The following CNBD1 variants were observed in gnomAD, a reference collection of about 807,000 sequenced individuals.
The protein encoded by CNBD1 is cyclic nucleotide-binding domain-containing protein 1.
CNBD1 carries 71 observed loss-of-function variants against 54.4 expected under a neutral mutation model. That is an observed-to-expected ratio of 1.30 (90% CI 1.08 to 1.59). The LOEUF is 1.59. Among genes scored for constraint, CNBD1 ranks in the 40% most tolerant of loss-of-function variants. The pLI, the probability that CNBD1 is intolerant of heterozygous loss-of-function variation, is 0.00. For synonymous variants in CNBD1, 182 were observed against 170.7 expected, an observed-to-expected ratio of 1.07 and a Z score of -0.51; for missense variants, 659 against 518.0, an observed-to-expected ratio of 1.27 and a Z score of -2.64.
chr8:87,281,541 G>GATAT (rs57434544), intron 6 of CNBD1, among the ~76,000 whole-genome samples: 1 of 95,870 alleles, frequency 1.0e-5, no homozygotes, highest in Non-Finnish European at 2.1e-5. Flanking sequence ...TCTAGGCTAA[G>GATAT]ATATATATAT....
intron 4 of CNBD1, among the ~76,000 whole-genome samples, chr8:87,026,579 A>T (rs995877939): frequency 1.3e-5 from 2 of 152,044 alleles, no homozygotes; most frequent in African/African-American, 4.8e-5. Context: ...TTCTCTTTTT[A>T]AAAAATAACT....
At chr8:87,112,477 A>C (rs56292347) in intron 4 of CNBD1, among the ~76,000 whole-genome samples, 1 of 151,804 alleles carries the variant, frequency 6.6e-6, no homozygotes, top group South Asian at 2.1e-4. Context: ...GTTTCTCTAA[A>C]CCCTGACAGA....
chr8:87,095,663 C>T (rs973650564), intron 4 of CNBD1, among the ~76,000 whole-genome samples: 2 of 152,110 alleles, frequency 1.3e-5, no homozygotes, highest in East Asian at 1.9e-4. Context: ...TATCTGTTCT[C>T]GTCTTTTTTT....
chr8:86,997,327 G>A (rs139564320), intron 4 of CNBD1, among the ~76,000 whole-genome samples: 26 of 152,232 alleles, frequency 1.7e-4, no homozygotes, highest in African/African-American at 5.5e-4. Flanking sequence ...AACCTCTTGA[G>A]CATCATTGCT....
chr8:86,877,120 C>A (rs1376302580), intron 1 of CNBD1, among the ~76,000 whole-genome samples: 2 of 151,852 alleles, frequency 1.3e-5, no homozygotes, highest in East Asian at 3.9e-4. Context: ...CAGTTATATT[C>A]ATATCTTTAA....
chr8:87,329,847 A>G (rs1176807661), intron 8 of CNBD1, among the ~76,000 whole-genome samples: 1 of 151,934 alleles, frequency 6.6e-6, no homozygotes, highest in Non-Finnish European at 1.5e-5. Flanking sequence ...CAGCAAAGAC[A>G]GTTTTATTTC....
downstream of CNBD1, among the ~76,000 whole-genome samples, chr8:87,386,718 C>G (rs921423324): frequency 7.2e-5 from 11 of 152,174 alleles, no homozygotes; most frequent in Non-Finnish European, 1.5e-4. Context: ...CCCAATGTAG[C>G]AAGGCAGGCC....
chr8:86,945,028 A>C (rs1482578757), intron 4 of CNBD1, among the ~76,000 whole-genome samples: 1 of 152,148 alleles, frequency 6.6e-6, no homozygotes, highest in Non-Finnish European at 1.5e-5. Flanking sequence ...TGGGCAAATC[A>C]TCTGATGCTC....
At chr8:87,210,070 A>C (rs1814060828) in intron 5 of CNBD1, among the ~76,000 whole-genome samples, 1 of 152,208 alleles carries the variant, frequency 6.6e-6, no homozygotes, top group African/African-American at 2.4e-5. Flanking sequence ...TCAACAGAGA[A>C]AGGACAGTCT....
intron 8 of CNBD1, among the ~76,000 whole-genome samples, chr8:87,307,480 G>A (rs944502933): frequency 2.0e-5 from 3 of 152,204 alleles, no homozygotes; most frequent in Non-Finnish European, 4.4e-5. Context: ...GCTCATGCCT[G>A]TAATCCCAGC....
intron 8 of CNBD1, among the ~76,000 whole-genome samples, chr8:87,341,689 G>A (rs1208471099): frequency 1.3e-5 from 2 of 152,136 alleles, no homozygotes; most frequent in African/African-American, 4.8e-5. Context: ...TTTTCCTTTT[G>A]CTCTGATCTC....
intron 6 of CNBD1, among the ~76,000 whole-genome samples, chr8:87,245,452 A>T (rs7844488): frequency 0.014 from 1,736 of 125,538 alleles, 36 homozygotes; most frequent in African/African-American, 0.051. Context: ...AATACAATTG[A>T]AGCTTTTGTT....
chr8:87,039,174 A>C lies in CNBD1; in HGVS notation c.431+99420A>C, dbSNP rs1293131241. Among the ~76,000 whole-genome samples the C allele has an allele frequency of 2.0e-5, 3 of 152,204 alleles. No individual in the cohort carries two copies. In the South Asian group the frequency reaches 6.2e-4, roughly 32 times the overall value. ...TTTGCCTTTTATTTTAGTATATTTC[A>C]GGAGGAGTGAACATAACACATTTCT... On this transcript the variant is annotated intron_variant, in intron 4 of 10. Transcript: ENST00000518476.
At chr8:87,128,541 A>G (rs1414317909) in intron 4 of CNBD1, among the ~76,000 whole-genome samples, 3 of 152,140 alleles carry the variant, frequency 2.0e-5, no homozygotes, top group Non-Finnish European at 4.4e-5. Flanking sequence ...TTAAGGTAGA[A>G]TTCTTTTCTT....
At chr8:87,010,072 G>A (rs1238427829) in intron 4 of CNBD1, among the ~76,000 whole-genome samples, 2 of 151,808 alleles carry the variant, frequency 1.3e-5, no homozygotes, top group East Asian at 3.9e-4. Context: ...TTTAATTTTT[G>A]GAATTATTTT....
chr8:86,929,882 G>A (rs1035593226), intron 3 of CNBD1, among the ~76,000 whole-genome samples: 1 of 152,144 alleles, frequency 6.6e-6, no homozygotes, highest in Non-Finnish European at 1.5e-5. Context: ...CCTTACTTAG[G>A]TATGCAACTG....
chr8:87,224,069 A>G (rs1199633066), intron 5 of CNBD1, among the ~76,000 whole-genome samples: 9,758 of 147,216 alleles, frequency 0.066, 567 homozygotes, highest in African/African-American at 0.15. Flanking sequence ...CATGTCCTTC[A>G]CCCACTTTTT....
intron 3 of CNBD1, among the ~76,000 whole-genome samples, chr8:86,915,527 G>C (rs1586131891): frequency 6.6e-6 from 1 of 152,168 alleles, no homozygotes; most frequent in Non-Finnish European, 1.5e-5. Flanking sequence ...CCCAAAGTTA[G>C]CTCGGCCCAT....
intron 4 of CNBD1, among the ~76,000 whole-genome samples, chr8:87,077,058 G>A (rs1051689731): frequency 2.6e-5 from 4 of 152,094 alleles, no homozygotes; most frequent in African/African-American, 9.7e-5. Context: ...TGCTTACCAT[G>A]GAAAGGGAAA....
Sources: allele counts gnomAD v4.1 joint callset (sites outside exome capture counted in the v4.1 genomes callset), GRCh38; gene constraint gnomAD v4.1.1; transcripts MANE v1.5; gene names NCBI Gene and HGNC (gene_info 2026-07-23, HGNC 2026-07-21).